The following ZDHHC15 variants were observed in gnomAD, a reference collection of about 807,000 sequenced individuals.
ZDHHC15 encodes the protein zDHHC palmitoyltransferase 15.
ZDHHC15 carries 19 observed loss-of-function variants against 31.7 expected under a neutral mutation model. The observed-to-expected ratio is 0.60, with a 90% confidence interval of 0.42 to 0.88. The LOEUF is 0.88. ZDHHC15 is among the 40% of genes least tolerant of loss of function. The probability of loss-of-function intolerance (pLI) is 0.00; values close to 1 mark genes in which losing one functional copy is unlikely to be tolerated. For missense variants in ZDHHC15, 209 were observed against 251.2 expected (o/e 0.83, Z 1.14); for synonymous variants, 103 against 90.0 (o/e 1.14, Z -0.82).
chrX:75,373,926 G>GTTTTTTTTTTTTTTTTTTTTTT (rs35704680), intron 11 of ZDHHC15, among the ~76,000 whole-genome samples: 3 of 50,457 alleles, frequency 5.9e-5, no homozygotes, highest in South Asian at 1.9e-3. Context: ...CATTCTTTCT[G>GTTTTTTTTTTTTTTTTTTTTTT]TTTTTTTTTT....
chrX:75,495,120 G>T (rs971050521), intron 2 of ZDHHC15, among the ~76,000 whole-genome samples: 1 of 111,677 alleles, frequency 9.0e-6, no homozygotes, highest in Non-Finnish European at 1.9e-5. Context: ...AGTGGGCAAA[G>T]GATTTGAATA....
At chrX:75,386,126 A>G (rs749198935) in intron 10 of ZDHHC15, among the ~76,000 whole-genome samples, 53 of 112,119 alleles carry the variant, frequency 4.7e-4, no homozygotes, top group Non-Finnish European at 8.1e-4. Flanking sequence ...TACTGTGGGC[A>G]GTATTAATGG....
At chrX:75,489,569 T>C (rs1233278076) in intron 2 of ZDHHC15, among the ~76,000 whole-genome samples, 1 of 111,662 alleles carries the variant, frequency 9.0e-6, no homozygotes, top group Non-Finnish European at 1.9e-5. Flanking sequence ...AGAAAGGACA[T>C]CCACACCAAA....
At chrX:75,491,392 C>T (rs1451193712) in intron 2 of ZDHHC15, among the ~76,000 whole-genome samples, 10 of 101,688 alleles carry the variant, frequency 9.8e-5, no homozygotes, top group South Asian at 9.6e-4. Context: ...AACCAAACAC[C>T]GCATATTCTC....
chrX:75,423,598 G>T (rs968869047), intron 8 of ZDHHC15, among the ~76,000 whole-genome samples: 77 of 99,785 alleles, frequency 7.7e-4, no homozygotes, highest in African/African-American at 2.8e-3. Flanking sequence ...GTTTGCCATT[G>T]ATGGACCTTT....
At chrX:75,386,108 A>T in intron 10 of ZDHHC15, among the ~76,000 whole-genome samples, 1 of 112,026 alleles carries the variant, frequency 8.9e-6, no homozygotes, top group Non-Finnish European at 1.9e-5. Context: ...TAAATCAGAA[A>T]TTTCTTCTAC....
At position 75,435,857 on chromosome X, in the gene ZDHHC15, AG is replaced by A. The variant is rs1282024794; in HGVS notation, c.380-4338del. 2.7e-5 allele frequency among the ~76,000 whole-genome samples: 3 copies of A among 112,074 alleles called. No individual in the cohort carries two copies. The East Asian group carries it at 8.3e-4, about 31-fold the overall frequency. On this transcript the variant is annotated intron_variant, in intron 4 of 11. Coordinates refer to ENST00000373367, the MANE Select transcript of ZDHHC15 (RefSeq NM_144969.3). ...GGTACTAGGGTAATATTGGCTTCAT[AG>A]AATAATTTAGGAAGGATTCCCTCTT...
At position 75,426,178 on chromosome X, in the gene ZDHHC15, T is replaced by C. The variant is rs367767725; in HGVS notation, c.604-1394A>G. ...GCTTTGCAGTGGGTTTTGCCTTGAC[T>C]GTGTTTTTGCTTTCACAATCTTTAG... On this transcript the variant is annotated intron_variant, in intron 7 of 11. Transcript: ENST00000373367. 1.8e-4 allele frequency among the ~76,000 whole-genome samples: 20 copies of C among 112,701 alleles called. No individual in the cohort carries two copies. The East Asian group carries it at 3.3e-3, about 19-fold the overall frequency.
chrX:75,488,544 C>G (rs1190632905), intron 2 of ZDHHC15, among the ~76,000 whole-genome samples: 1 of 112,398 alleles, frequency 8.9e-6, no homozygotes, highest in Non-Finnish European at 1.9e-5. Flanking sequence ...AATAAAACCT[C>G]AAATTACACC....
At position 75,522,950 on chromosome X, in the gene ZDHHC15, C is replaced by T; in HGVS notation, c.75G>A (p.Val25=). 8.3e-7 allele frequency: 1 copy of T among 1,211,839 alleles called. No homozygotes were observed. Among genetic ancestry groups the T allele is most frequent in the Non-Finnish European group, 1.1e-6 (1 of 895,473 alleles). ...CCRRVLSWVP[V]LVIVLVVLWS... ...AGAGCACGACGAGGACAATAACGAG[C>T]ACTGGCACCCAGGACAGTACCCGGC... Residue 25 remains valine, a synonymous_variant, in exon 1 of 12, where the codon GTG becomes GTA. Coordinates refer to ENST00000373367, the MANE Select transcript of ZDHHC15 (RefSeq NM_144969.3).
At chrX:75,476,487 T>A (rs1039329998) in intron 3 of ZDHHC15, among the ~76,000 whole-genome samples, 1 of 111,210 alleles carries the variant, frequency 9.0e-6, no homozygotes, top group Non-Finnish European at 1.9e-5. Flanking sequence ...TTATCAAATT[T>A]AGGGGCACAC....
At chrX:75,426,585 C>A (rs1024970207) in intron 7 of ZDHHC15, among the ~76,000 whole-genome samples, 1 of 111,300 alleles carries the variant, frequency 9.0e-6, no homozygotes, top group Admixed American at 9.6e-5. Flanking sequence ...TATCCTGATT[C>A]TAAAATAATT....
Position 75,369,062 on chromosome X carries a change from T to G in ZDHHC15, c.*3916A>C, listed in dbSNP as rs1263394797. On this transcript the variant is annotated 3_prime_UTR_variant, in exon 12 of 12. Coordinates refer to ENST00000373367, the MANE Select transcript of ZDHHC15 (RefSeq NM_144969.3). The stretch of plus-strand genomic sequence containing the variant: ...CCTAACGAGATGGAACTCATTAATT[T>G]TCTAAGAATATGGATCTTGTCCAAG... 8.9e-6 allele frequency: 1 copy of G among 111,983 alleles called. No homozygotes were observed. The highest frequency in any genetic ancestry group is 1.9e-5 in the Non-Finnish European group (1 of 53,234). 9.2% of individuals were successfully genotyped at this position (111,983 alleles called of 1,213,427 possible).
At chrX:75,484,328 T>G (rs1395895165) in intron 2 of ZDHHC15, among the ~76,000 whole-genome samples, 2 of 112,042 alleles carry the variant, frequency 1.8e-5, no homozygotes, top group Non-Finnish European at 3.8e-5. Flanking sequence ...ACAAAGAGAC[T>G]TATACTCAGG....
intron 9 of ZDHHC15, among the ~76,000 whole-genome samples, chrX:75,420,204 A>T (rs1264316031): frequency 8.9e-6 from 1 of 111,905 alleles, no homozygotes; most frequent in Non-Finnish European, 1.9e-5. Flanking sequence ...ATATTAAAAA[A>T]AGCCCATTAT....
chrX:75,490,767 C>T lies in ZDHHC15; in HGVS notation c.164-11782G>A, dbSNP rs1417110297. Among the ~76,000 whole-genome samples, 3 of 111,440 alleles carry T rather than the reference C, an allele frequency of 2.7e-5. No individual in the cohort carries two copies. The South Asian group carries it at 1.1e-3, about 43-fold the overall frequency. ...TCTTTGAAGCAATTGTGAATGGGAG[C>T]TCACTCATGATTTGGCTCTCTGTTT... On this transcript the variant is annotated intron_variant, in intron 2 of 11. Transcript: ENST00000373367.
rs773749736 is a variant in ZDHHC15 at position 75,429,926 on chromosome X, G to A, written c.482+22C>T. 3.3e-6 allele frequency: 4 copies of A among 1,204,337 alleles called. No homozygotes were observed. In the African/African-American group the frequency reaches 7.0e-5, roughly 21 times the overall value. Reference sequence around the variant, plus strand: ...GCAACTTTGACCCCTTTAGAGGAGAGAAATGAATCAAACAGACATACCAAG... The same window carrying A: ...GCAACTTTGACCCCTTTAGAGGAGAAAAATGAATCAAACAGACATACCAAG... On this transcript the variant is annotated intron_variant, in intron 6 of 11. Coordinates refer to ENST00000373367, the MANE Select transcript of ZDHHC15 (RefSeq NM_144969.3).
rs1252358826 is a variant in ZDHHC15 at position 75,372,868 on chromosome X, C to T, written c.*110G>A. On this transcript the variant is annotated 3_prime_UTR_variant, in exon 12 of 12. Transcript: ENST00000373367. The stretch of plus-strand genomic sequence containing the variant: ...AAATTTTGAAGCTTTCAATCCAACA[C>T]GGTGACTTATTTTGAAGATTACAAT... 1 of 111,707 alleles carries T rather than the reference C, an allele frequency of 9.0e-6. No individual in the cohort carries two copies. The highest frequency in any genetic ancestry group is 1.9e-5 in the Non-Finnish European group (1 of 53,105). The allele number at this position is 111,707 out of a possible 1,213,427, so 9.2% of individuals were successfully genotyped here.
chrX:75,494,123 T>C (rs1187323586), intron 2 of ZDHHC15, among the ~76,000 whole-genome samples: 1 of 111,216 alleles, frequency 9.0e-6, no homozygotes, highest in African/African-American at 3.3e-5. Context: ...ATCACAAGCA[T>C]TCTTATACAC....
Sources: allele counts gnomAD v4.1 joint callset (sites outside exome capture counted in the v4.1 genomes callset), GRCh38; gene constraint gnomAD v4.1.1; transcripts MANE v1.5; gene names NCBI Gene and HGNC (gene_info 2026-07-23, HGNC 2026-07-21).